Variants in WWOX observed in about 807,000 individuals in gnomAD.
The protein encoded by WWOX is WW domain containing oxidoreductase.
In WWOX, 69 loss-of-function variants were observed where a neutral mutation model predicts 46.2. The observed-to-expected ratio is 1.49, with a 90% CI of 1.23 to 1.82. The LOEUF is 1.82. Ranked by LOEUF, WWOX falls within the 40% of genes most tolerant of loss-of-function variation. The pLI is 0.00. For synonymous variants in WWOX, 359 were observed against 202.6 expected (o/e 1.77, Z -6.56); for missense variants, 919 against 542.6 (o/e 1.69, Z -6.89).
At chr16:78,657,479 G>A (rs1018350506) in intron 8 of WWOX, among the ~76,000 whole-genome samples, 1 of 152,100 alleles carries the variant, frequency 6.6e-6, no homozygotes, top group Non-Finnish European at 1.5e-5. Flanking sequence ...CTGCCACTAC[G>A]ATGCATGCTG....
chr16:78,792,409 G>A (rs1198138205), intron 8 of WWOX, among the ~76,000 whole-genome samples: 1 of 152,156 alleles, frequency 6.6e-6, no homozygotes, highest in African/African-American at 2.4e-5. Context: ...CTCGGAGATG[G>A]CTTCCTATTG....
At chr16:78,931,658 C>T (rs568982338) in intron 8 of WWOX, among the ~76,000 whole-genome samples, 1 of 152,312 alleles carries the variant, frequency 6.6e-6, no homozygotes, top group African/African-American at 2.4e-5. Context: ...GTCATGGAGT[C>T]ATCTACAGAT....
chr16:78,693,951 G>A (rs183073450), intron 8 of WWOX, among the ~76,000 whole-genome samples: 32 of 152,258 alleles, frequency 2.1e-4, no homozygotes, highest in Middle Eastern at 3.4e-3. Flanking sequence ...GGATTTAGAC[G>A]TCTGGACGTG....
chr16:78,463,238 T>C (rs1358270331), intron 8 of WWOX, among the ~76,000 whole-genome samples: 2 of 152,200 alleles, frequency 1.3e-5, no homozygotes, highest in African/African-American at 4.8e-5. Context: ...AGGGCTATTT[T>C]AGGTGCACTG....
chr16:79,157,762 A>G (rs947727996), intron 8 of WWOX, among the ~76,000 whole-genome samples: 3 of 152,114 alleles, frequency 2.0e-5, no homozygotes, highest in Non-Finnish European at 2.9e-5. Flanking sequence ...GAGTGGAGGG[A>G]CATGGGGAGG....
At chr16:79,088,857 C>T (rs1215631167) in intron 8 of WWOX, among the ~76,000 whole-genome samples, 1 of 152,212 alleles carries the variant, frequency 6.6e-6, no homozygotes, top group Non-Finnish European at 1.5e-5. Flanking sequence ...TTCTGACCCT[C>T]ATCCTTTAAA....
chr16:78,594,429 G>GCCTCCCCCCCCCCCCCCCCCC (rs1171391505), intron 8 of WWOX, among the ~76,000 whole-genome samples: 1 of 32,380 alleles, frequency 3.1e-5, no homozygotes, highest in Non-Finnish European at 5.2e-5. Context: ...CTGAGGAAAG[G>GCCTCCCCCCCCCCCCCCCCCC]CCCCCCCCCC....
chr16:79,041,508 A>T (rs1253214329), intron 8 of WWOX, among the ~76,000 whole-genome samples: 1 of 152,166 alleles, frequency 6.6e-6, no homozygotes. Context: ...GATCATGCTC[A>T]TTAAGTCCGC....
At chr16:78,796,195 C>A (rs561289374) in intron 8 of WWOX, among the ~76,000 whole-genome samples, 2 of 152,200 alleles carry the variant, frequency 1.3e-5, no homozygotes, top group African/African-American at 2.4e-5. Context: ...CTAGAACTGT[C>A]GTTGATTGCT....
intron 8 of WWOX, among the ~76,000 whole-genome samples, chr16:78,809,328 A>G (rs1291173384): frequency 6.6e-6 from 1 of 151,610 alleles, no homozygotes; most frequent in East Asian, 1.9e-4. Flanking sequence ...AAAAAAAAAA[A>G]AGAAAAAACC....
intron 8 of WWOX, among the ~76,000 whole-genome samples, chr16:78,544,040 G>C (rs942424669): frequency 1.3e-5 from 2 of 152,092 alleles, no homozygotes; most frequent in Non-Finnish European, 2.9e-5. Context: ...GTAGGGCTTA[G>C]AGGTTCCTAG....
chr16:79,099,756 A>G (rs1170574718), intron 8 of WWOX, among the ~76,000 whole-genome samples: 2 of 152,228 alleles, frequency 1.3e-5, no homozygotes, highest in Non-Finnish European at 2.9e-5. Context: ...GAGACTTCTA[A>G]TGAAAAGATA....
At chr16:78,235,108 GA>G (rs2151812204) in intron 5 of WWOX, among the ~76,000 whole-genome samples, 1 of 151,834 alleles carries the variant, frequency 6.6e-6, no homozygotes, top group South Asian at 2.1e-4. Flanking sequence ...TTAATGGAGG[GA>G]AATATCATAA....
chr16:78,173,746 G>T (rs9927338), intron 5 of WWOX, among the ~76,000 whole-genome samples: 4,401 of 152,184 alleles, frequency 0.029, 194 homozygotes, highest in African/African-American at 0.1. Context: ...CATAAATCTT[G>T]TTGGAGCAAT....
At position 78,610,785 on chromosome 16, in the gene WWOX, G is replaced by T. The variant is rs555491680; in HGVS notation, c.1056+178033G>T. Among the ~76,000 whole-genome samples the T allele has an allele frequency of 2.6e-5, 4 of 152,122 alleles. No individual in the cohort carries two copies. In the South Asian group the frequency reaches 8.3e-4, roughly 32 times the overall value. ...TGGCTCTGATATTATAAAATCTGGA[G>T]GTTTGGAATGCAGCAAACTCTGGGG... On this transcript the variant is annotated intron_variant, in intron 8 of 8. Coordinates refer to ENST00000566780, the MANE Select transcript of WWOX (RefSeq NM_016373.4).
chr16:78,839,984 C>A (rs768164788), intron 8 of WWOX, among the ~76,000 whole-genome samples: 1 of 152,148 alleles, frequency 6.6e-6, no homozygotes, highest in South Asian at 2.1e-4. Context: ...TTTTCCTGAT[C>A]CTCCATTCCC....
At chr16:78,580,116 C>G (rs896808017) in intron 8 of WWOX, among the ~76,000 whole-genome samples, 1 of 151,642 alleles carries the variant, frequency 6.6e-6, no homozygotes, top group Non-Finnish European at 1.5e-5. Context: ...CTCTGTCACC[C>G]AGGCTGGAGT....
At chr16:78,701,467 T>G (rs1305973017) in intron 8 of WWOX, among the ~76,000 whole-genome samples, 1 of 152,138 alleles carries the variant, frequency 6.6e-6, no homozygotes, top group Non-Finnish European at 1.5e-5. Context: ...AGTGCTGGAA[T>G]TTGAACCCAG....
intron 8 of WWOX, chr16:78,890,455 C>A (rs1253357140): frequency 6.6e-6 from 1 of 151,688 alleles, no homozygotes; most frequent in Non-Finnish European, 1.5e-5. Context: ...ACTGTTCCCC[C>A]AGCCCCAGTC....
Sources: gnomAD v4.1 joint callset for allele counts (sites outside exome capture counted in the v4.1 genomes callset) on GRCh38, gnomAD v4.1.1 for gene constraint, MANE v1.5 for transcripts, NCBI Gene and HGNC (gene_info 2026-07-23, HGNC 2026-07-21) for gene names.